Variants in SPATA6 observed in about 807,000 individuals in gnomAD.
The protein encoded by SPATA6 is spermatogenesis associated 6.
A neutral mutation model predicts 65.3 loss-of-function variants in SPATA6; 56 were observed. The observed-to-expected ratio is 0.86, with a 90% CI of 0.69 to 1.07. The LOEUF is 1.07. Ranked by LOEUF, SPATA6 falls within the 50% of genes least tolerant of loss-of-function variation. SPATA6 has a pLI of 0.00. For missense variants in SPATA6, 590 were observed against 594.8 expected (o/e 0.99, Z 0.08); for synonymous variants, 199 against 213.2 (o/e 0.93, Z 0.58).
chr1:48,376,702 C>T (rs974544366), intron 9 of SPATA6, among the ~76,000 whole-genome samples: 5 of 151,942 alleles, frequency 3.3e-5, no homozygotes, highest in Non-Finnish European at 7.4e-5. Context: ...CTGAGAAATA[C>T]GTCATTAGGC....
intron 1 of SPATA6, among the ~76,000 whole-genome samples, chr1:48,465,658 T>C (rs1047961731): frequency 3.9e-5 from 6 of 152,266 alleles, no homozygotes; most frequent in Non-Finnish European, 7.4e-5. Flanking sequence ...CTGGAAGATA[T>C]ATTTGCACCT....
At chr1:48,432,246 T>C (rs977926756) in intron 3 of SPATA6, among the ~76,000 whole-genome samples, 7 of 152,182 alleles carry the variant, frequency 4.6e-5, no homozygotes, top group Admixed American at 1.3e-4. Flanking sequence ...CAATGATTTC[T>C]TGGATAACAC....
chr1:48,294,859 G>A (rs1228109179), downstream of SPATA6, among the ~76,000 whole-genome samples: 1 of 152,144 alleles, frequency 6.6e-6, no homozygotes, highest in Non-Finnish European at 1.5e-5. Flanking sequence ...GCACTTGGAG[G>A]AGTTTCCTGA....
At position 48,330,515 on chromosome 1, in the gene SPATA6, T is replaced by G. The variant is rs561754116; in HGVS notation, c.1195-24637A>C. Among the ~76,000 whole-genome samples the G allele has an allele frequency of 5.9e-5, 9 of 152,340 alleles. No homozygotes were observed. The South Asian group carries it at 1.9e-3, about 32-fold the overall frequency. ...CTAGCCCAGCAGCCTTGCTTCTGTG[T>G]GAGCCTGGCTGGAGGGTGCAGCCTC... On this transcript the variant is annotated intron_variant, in intron 11 of 12. Coordinates refer to ENST00000371847, the MANE Select transcript of SPATA6 (RefSeq NM_019073.4).
intron 3 of SPATA6, among the ~76,000 whole-genome samples, chr1:48,418,084 G>T (rs1291779701): frequency 3.9e-5 from 6 of 151,986 alleles, no homozygotes; most frequent in Non-Finnish European, 7.4e-5. Context: ...TCTCTATATT[G>T]TCTTTTAGTA....
chr1:48,392,667 C>T (rs2147898744), intron 8 of SPATA6, among the ~76,000 whole-genome samples: 1 of 152,148 alleles, frequency 6.6e-6, no homozygotes, highest in East Asian at 1.9e-4. Context: ...AATCCATCTT[C>T]ACTTGATTAT....
At chr1:48,439,557 A>C (rs1462865517) in intron 3 of SPATA6, among the ~76,000 whole-genome samples, 1 of 152,064 alleles carries the variant, frequency 6.6e-6, no homozygotes, top group African/African-American at 2.4e-5. Context: ...TTGGGCAAGA[A>C]GAGTTTCTGC....
intron 11 of SPATA6, among the ~76,000 whole-genome samples, chr1:48,341,854 C>G (rs1481604205): frequency 2.0e-5 from 3 of 152,120 alleles, no homozygotes; most frequent in African/African-American, 7.2e-5. Context: ...TGGATGGAAA[C>G]ATGTTCTAAC....
chr1:48,305,931 G>A (rs1645051629), intron 11 of SPATA6, 53 bp from the exon 12 acceptor site: 1 of 1,347,214 alleles, frequency 7.4e-7, no homozygotes, highest in Non-Finnish European at 1.1e-6. Flanking sequence ...TCCCCAAAAT[G>A]ATGCATATGT....
At chr1:48,327,050 T>G (rs867650735) in intron 11 of SPATA6, among the ~76,000 whole-genome samples, 1 of 151,966 alleles carries the variant, frequency 6.6e-6, no homozygotes, top group Non-Finnish European at 1.5e-5. Context: ...ATAATCAACA[T>G]AGTAAACAGA....
intron 11 of SPATA6, among the ~76,000 whole-genome samples, chr1:48,314,146 A>T (rs889283466): frequency 6.6e-6 from 1 of 152,180 alleles, no homozygotes; most frequent in Non-Finnish European, 1.5e-5. Flanking sequence ...ACACAAAGTT[A>T]ACAAGGATAT....
At chr1:48,403,530 G>A (rs575934103) in intron 6 of SPATA6, among the ~76,000 whole-genome samples, 1 of 152,202 alleles carries the variant, frequency 6.6e-6, no homozygotes, top group African/African-American at 2.4e-5. Context: ...CTTGATTTCT[G>A]TGCGCTAAAA....
intron 9 of SPATA6, among the ~76,000 whole-genome samples, chr1:48,363,950 C>CTTAATG (rs1646906930): frequency 6.6e-6 from 1 of 152,032 alleles, no homozygotes; most frequent in African/African-American, 2.4e-5. Context: ...ATCCCTCCCC[C>CTTAATG]CTTCCCCCAC....
the SPATA6 span, among the ~76,000 whole-genome samples, chr1:48,283,723 A>AAGAAAGAAAGAG: frequency 2.0e-5 from 3 of 150,124 alleles, no homozygotes; most frequent in Non-Finnish European, 4.4e-5. Context: ...GAAAGAAAGA[A>AAGAAAGAAAGAG]AATTCTTTTC....
intron 3 of SPATA6, among the ~76,000 whole-genome samples, chr1:48,429,344 C>T (rs1002357417): frequency 6.6e-6 from 1 of 152,044 alleles, no homozygotes; most frequent in Non-Finnish European, 1.5e-5. Context: ...AAAACAACTG[C>T]ATATACAGAG....
chr1:48,286,524 T>C, the SPATA6 span, among the ~76,000 whole-genome samples: 3 of 152,204 alleles, frequency 2.0e-5, no homozygotes, highest in African/African-American at 4.8e-5. Flanking sequence ...TTCTGCAACT[T>C]TATTGAATTT....
At chr1:48,464,544 T>C in intron 1 of SPATA6, among the ~76,000 whole-genome samples, 1 of 152,094 alleles carries the variant, frequency 6.6e-6, no homozygotes, top group Non-Finnish European at 1.5e-5. Context: ...AGAATGTCCA[T>C]CAACAATAGG....
At position 48,403,796 on chromosome 1, in the gene SPATA6, T is replaced by G. The variant is rs528281461; in HGVS notation, c.486+6A>C. 2.7e-5 allele frequency: 43 copies of G among 1,595,286 alleles called. No homozygotes were observed. The East Asian group carries it at 5.6e-4, about 21-fold the overall frequency. ...CCATTAAATACTTTATACAAATAAT[T>G]TTAACCTGAGTGTGGCATTTCCTTG... On this transcript the variant is annotated splice_donor_region_variant and intron_variant, in intron 6 of 12. Coordinates refer to ENST00000371847, the MANE Select transcript of SPATA6 (RefSeq NM_019073.4).
chr1:48,449,317 A>C (rs1428859413), intron 3 of SPATA6, among the ~76,000 whole-genome samples: 1 of 152,210 alleles, frequency 6.6e-6, no homozygotes, highest in Non-Finnish European at 1.5e-5. Flanking sequence ...TGCTGCCTGG[A>C]GCCAAATTAT....
Sources: allele counts gnomAD v4.1 joint callset (sites outside exome capture counted in the v4.1 genomes callset), GRCh38; gene constraint gnomAD v4.1.1; transcripts MANE v1.5; gene names NCBI Gene and HGNC (gene_info 2026-07-23, HGNC 2026-07-21).